The following ATG7 variants were observed in gnomAD, a reference collection of about 807,000 sequenced individuals.
The protein encoded by ATG7 is ubiquitin-like modifier-activating enzyme ATG7.
In ATG7, 70 loss-of-function variants were observed where a neutral mutation model predicts 82.4. The ratio of observed to expected loss-of-function variants is 0.85; its 90% CI spans 0.70 to 1.04. The LOEUF (loss-of-function observed/expected upper bound fraction) is 1.04. ATG7 is among the 50% of genes least tolerant of loss of function. The pLI is 0.00. For missense variants in ATG7, 792 were observed against 864.3 expected, an observed-to-expected ratio of 0.92 and a Z score of 1.05; for synonymous variants, 287 against 313.0, an observed-to-expected ratio of 0.92 and a Z score of 0.88.
At chr3:11,575,687 C>T in the ATG7 span, among the ~76,000 whole-genome samples, 570 of 152,348 alleles carry the variant, frequency 3.7e-3, no homozygotes, top group African/African-American at 0.013. Context: ...CTGTCGGAAA[C>T]GCTGCTGCTG....
intron 19 of ATG7, among the ~76,000 whole-genome samples, chr3:11,387,800 C>T (rs144586355): frequency 5.3e-5 from 8 of 152,168 alleles, no homozygotes; most frequent in Non-Finnish European, 1.0e-4. Flanking sequence ...GAAACACTGT[C>T]TCTACTAAAA....
At chr3:11,531,267 A>G (rs1182163530) in intron 20 of ATG7, among the ~76,000 whole-genome samples, 1 of 152,214 alleles carries the variant, frequency 6.6e-6, no homozygotes, top group Non-Finnish European at 1.5e-5. Flanking sequence ...GAGGAAGTCA[A>G]GGAAGAGTAT....
At chr3:11,562,655 C>T (rs2073127689), downstream of ATG7, among the ~76,000 whole-genome samples, 1 of 152,238 alleles carries the variant, frequency 6.6e-6, no homozygotes, top group Non-Finnish European at 1.5e-5. Context: ...AGCCCCGCCA[C>T]GCTGCCGCAG....
intron 19 of ATG7, among the ~76,000 whole-genome samples, chr3:11,418,148 A>G (rs2081567409): frequency 6.6e-6 from 1 of 151,696 alleles, no homozygotes; most frequent in African/African-American, 2.4e-5. Flanking sequence ...TCTGTTGTCC[A>G]GGCTGGAGTG....
At chr3:11,399,853 T>C (rs931496219) in intron 19 of ATG7, among the ~76,000 whole-genome samples, 5 of 152,194 alleles carry the variant, frequency 3.3e-5, no homozygotes, top group African/African-American at 1.2e-4. Context: ...GGATTACACG[T>C]GAGCCACAGT....
chr3:11,346,525 G>A (rs73812436), intron 13 of ATG7: 1 of 152,266 alleles, frequency 6.6e-6, no homozygotes, highest in East Asian at 1.9e-4. Flanking sequence ...AATCTTTGCA[G>A]ATTAGCCATT....
At chr3:11,408,846 G>A (rs978346850) in intron 19 of ATG7, among the ~76,000 whole-genome samples, 1 of 152,106 alleles carries the variant, frequency 6.6e-6, no homozygotes, top group Non-Finnish European at 1.5e-5. Flanking sequence ...TTTGGGTGGG[G>A]ACACAGCAAA....
chr3:11,428,230 C>G (rs2082542870), intron 20 of ATG7, among the ~76,000 whole-genome samples: 1 of 152,214 alleles, frequency 6.6e-6, no homozygotes, highest in Non-Finnish European at 1.5e-5. Context: ...CATATCCTCA[C>G]CATTCAGGGA....
downstream of ATG7, chr3:11,558,386 C>T: frequency 8.8e-7 from 1 of 1,140,720 alleles, no homozygotes; most frequent in African/African-American, 1.6e-5. Flanking sequence ...GTACGGATAC[C>T]AAGCAAGTAC....
intron 20 of ATG7, among the ~76,000 whole-genome samples, chr3:11,453,580 G>A (rs1195084535): frequency 6.6e-6 from 1 of 152,186 alleles, no homozygotes; most frequent in African/African-American, 2.4e-5. Context: ...TCTCAGTGAT[G>A]TTCCAAGCTC....
At chr3:11,372,829 T>C (rs749447649) in intron 18 of ATG7, among the ~76,000 whole-genome samples, 7 of 112,848 alleles carry the variant, frequency 6.2e-5, no homozygotes, top group South Asian at 2.6e-4. Context: ...CGCGTGTGCG[T>C]GTGTGTGCGT....
intron 15 of ATG7, among the ~76,000 whole-genome samples, chr3:11,359,331 C>A (rs1333870660): frequency 6.6e-6 from 1 of 151,936 alleles, no homozygotes; most frequent in Non-Finnish European, 1.5e-5. Flanking sequence ...TTCAAACTTT[C>A]TATATAATCA....
chr3:11,336,899 C>CTGG (rs1409174013), intron 11 of ATG7, among the ~76,000 whole-genome samples: 4 of 140,842 alleles, frequency 2.8e-5, no homozygotes, highest in Non-Finnish European at 4.4e-5. Context: ...TCTTGAACTC[C>CTGG]TGGGCTCAAG....
intron 20 of ATG7, among the ~76,000 whole-genome samples, chr3:11,505,949 C>A (rs1057119259): frequency 4.6e-5 from 7 of 152,078 alleles, no homozygotes; most frequent in African/African-American, 1.2e-4. Context: ...GTCACTAAGC[C>A]CCTTTGAGAG....
chr3:11,444,570 C>A (rs2084336168), intron 20 of ATG7, among the ~76,000 whole-genome samples: 1 of 152,182 alleles, frequency 6.6e-6, no homozygotes. Flanking sequence ...TATGCCTCTT[C>A]TGGACCATGG....
rs150179126 is a variant in ATG7 at position 11,483,309 on chromosome 3, T to G, written c.2079+56383T>G. Among the ~76,000 whole-genome samples, 97 of 152,316 alleles carry G rather than the reference T, an allele frequency of 6.4e-4. 1 individual carries two copies. The East Asian group carries it at 0.015, about 24-fold the overall frequency. ...ACACCAGGGCAGCTTCATCCTATTTTCCAGCTGCCCAAAATCACCATATAG... is the reference window on the plus strand; with the variant it reads ...ACACCAGGGCAGCTTCATCCTATTTGCCAGCTGCCCAAAATCACCATATAG... On this transcript the variant is annotated intron_variant, in intron 20 of 20. Coordinates refer to ENST00000693202, the MANE Select transcript of ATG7 (RefSeq NM_001349232.2).
At chr3:11,519,951 C>G (rs1463913606) in intron 20 of ATG7, among the ~76,000 whole-genome samples, 1 of 152,066 alleles carries the variant, frequency 6.6e-6, no homozygotes, top group African/African-American at 2.4e-5. Flanking sequence ...CAGATAATGA[C>G]AGATTTTTTG....
intron 14 of ATG7, among the ~76,000 whole-genome samples, chr3:11,356,767 C>T (rs767045185): frequency 3.3e-5 from 5 of 152,014 alleles, no homozygotes; most frequent in South Asian, 2.1e-4. Flanking sequence ...TTGCTTATTA[C>T]GGCATTTGGT....
chr3:11,322,224 T>C (rs1343186547), intron 9 of ATG7, among the ~76,000 whole-genome samples: 2 of 36,346 alleles, frequency 5.5e-5, no homozygotes, highest in African/African-American at 3.6e-4. Flanking sequence ...CACATACACA[T>C]AACAAAACAA....
Sources: gnomAD v4.1 joint callset for allele counts (sites outside exome capture counted in the v4.1 genomes callset) on GRCh38, gnomAD v4.1.1 for gene constraint, MANE v1.5 for transcripts, NCBI Gene and HGNC (gene_info 2026-07-23, HGNC 2026-07-21) for gene names.